PWWP2A: variants seen among roughly 807,000 people sequenced by gnomAD.
PWWP2A encodes the protein PWWP domain containing 2A, also known as PWWP domain-containing protein 2A.
Under a neutral mutation model 48.5 loss-of-function variants are expected in PWWP2A, and 18 were observed. The observed-to-expected ratio is 0.37, with a 90% CI of 0.26 to 0.55. The LOEUF (loss-of-function observed/expected upper bound fraction) is 0.55, where lower values mean the gene tolerates loss of function less well. Among genes scored for constraint, PWWP2A ranks in the 20% least tolerant of loss-of-function variants. The pLI, the probability that PWWP2A is intolerant of heterozygous loss-of-function variation, is 0.81. For missense variants in PWWP2A, 867 were observed against 976.4 expected, an observed-to-expected ratio of 0.89 and a Z score of 1.49; for synonymous variants, 396 against 387.7, an observed-to-expected ratio of 1.02 and a Z score of -0.25.
chr5:160,088,158 C>T (rs73311140), downstream of PWWP2A, among the ~76,000 whole-genome samples: 1,945 of 152,278 alleles, frequency 0.013, 48 homozygotes, highest in African/African-American at 0.045. Flanking sequence ...GCACACTCGC[C>T]ATTTTATTTT....
intron 2 of PWWP2A, among the ~76,000 whole-genome samples, chr5:160,082,368 C>T (rs1754301751): frequency 1.3e-5 from 2 of 150,978 alleles, no homozygotes; most frequent in African/African-American, 4.9e-5. Context: ...GGCGTGAACC[C>T]GGGAGGCGGA....
At chr5:160,064,261 G>A (rs1258687610) in intron 4 of PWWP2A, among the ~76,000 whole-genome samples, 4 of 152,120 alleles carry the variant, frequency 2.6e-5, no homozygotes, top group Non-Finnish European at 5.9e-5. Context: ...GAGCCACCAC[G>A]CCCATCCTAT....
downstream of PWWP2A, among the ~76,000 whole-genome samples, chr5:160,088,057 G>C (rs981162201): frequency 6.6e-6 from 1 of 151,970 alleles, no homozygotes; most frequent in African/African-American, 2.4e-5. Flanking sequence ...TTCTTTTGTT[G>C]AATGAAGGAA....
At position 160,093,004 on chromosome 5, in the gene PWWP2A, T is replaced by C; in HGVS notation, c.1646A>G (p.Gln549Arg). Residue 549 changes from glutamine to arginine, a missense_variant, in exon 2 of 2, where the codon CAG (glutamine) becomes CGG (arginine). This residue lies in a region of PWWP2A where 382 missense variants were observed against 407.2 expected (regional missense o/e 0.94). Coordinates refer to ENST00000307063, the MANE Select transcript of PWWP2A (RefSeq NM_001130864.2). The surrounding 1 kb of genome is among the most constrained non-coding windows in gnomAD (Gnocchi z 5.8). The part of the protein sequence containing the change: ...DTNEVHVPGD[Q>R]DEPQTLGKKG... ...TTTGCCCAATGTCTGTGGTTCATCC[T>C]GATCACCAGGCACATGCACTTCATT... is the stretch of plus-strand genomic sequence containing the variant. 5 of 1,582,166 alleles carry C rather than the reference T, an allele frequency of 3.2e-6. No individual in the cohort carries two copies. Among genetic ancestry groups the C allele is most frequent in the Non-Finnish European group, 4.3e-6 (5 of 1,163,344 alleles).
chr5:160,048,126 CTTTTTTTTTTTTTT>C, the PWWP2A span, among the ~76,000 whole-genome samples: 15 of 35,570 alleles, frequency 4.2e-4, no homozygotes, highest in South Asian at 1.6e-3. Context: ...CAAGACATTG[CTTTTTTTTTTTTTT>C]TTTTTTTTTT....
chr5:160,105,462 T>TGGGAGGCAGAGGTTGCA (rs1219121305), intron 1 of PWWP2A, among the ~76,000 whole-genome samples: 5 of 147,042 alleles, frequency 3.4e-5, no homozygotes, highest in African/African-American at 7.6e-5. Flanking sequence ...CGCCTGAACC[T>TGGGAGGCAGAGGTTGCA]GGGAGGCAGA....
At position 160,093,578 on chromosome 5, in the gene PWWP2A, C is replaced by T. The variant is rs755281907; in HGVS notation, c.1072G>A (p.Val358Ile). 2.5e-5 allele frequency: 41 copies of T among 1,613,442 alleles called. No homozygotes were observed. The highest frequency in any genetic ancestry group is 3.3e-5 in the Non-Finnish European group (39 of 1,179,802). The part of the protein sequence containing the change: ...YEDKKRRNES[V>I]TTVNKKLKTD... ...TTCAGTTTTTTGTTCACAGTAGTTA[C>T]ACTTTCATTTCTCCGTTTTTTATCT... The change falls in exon 2 of 2, where the codon GTA becomes ATA. Residue 358 changes from valine (V) to isoleucine (I), a missense_variant. By Grantham distance (29) the Val-to-Ile change is conservative (BLOSUM62 3). Around this residue, in one of 4 missense-constraint regions of PWWP2A, gnomAD observed 382 missense variants for 407.2 expected, o/e 0.94. Transcript: ENST00000307063. This position sits in a 1 kb window ranked among gnomAD's most constrained non-coding sequence, Gnocchi z 5.8.
intron 4 of PWWP2A, among the ~76,000 whole-genome samples, chr5:160,064,415 T>C (rs369612470): frequency 2.6e-5 from 4 of 152,166 alleles, no homozygotes; most frequent in South Asian, 2.1e-4. Flanking sequence ...TAAGGATTTG[T>C]TTAGGAAAGC....
the PWWP2A span, among the ~76,000 whole-genome samples, chr5:160,046,507 T>G: frequency 6.6e-6 from 1 of 152,182 alleles, no homozygotes; most frequent in Non-Finnish European, 1.5e-5. Context: ...CCCTCTGTAT[T>G]TTCTCCCTAA....
intron 1 of PWWP2A, among the ~76,000 whole-genome samples, chr5:160,117,556 CTGAGGCG>C (rs933732012): frequency 6.6e-6 from 1 of 151,788 alleles, no homozygotes; most frequent in Non-Finnish European, 1.5e-5. Context: ...ACTTGGGAGG[CTGAGGCG>C]GGAGAATCGC....
chr5:160,096,464 G>T (rs1019324217), intron 1 of PWWP2A, among the ~76,000 whole-genome samples: 1 of 152,148 alleles, frequency 6.6e-6, no homozygotes, highest in East Asian at 1.9e-4. Flanking sequence ...GGTGCTTCTT[G>T]TGTTTTAATG....
At chr5:160,117,983 T>C (rs1758308053) in intron 1 of PWWP2A, 1 of 588,620 alleles carries the variant, frequency 1.7e-6, no homozygotes, top group Non-Finnish European at 2.1e-6. Flanking sequence ...TCTCTTCCCC[T>C]GTTGAAAGCA....
rs568089410 is a variant in PWWP2A, at chr5:160,100,146, C to G, written c.585-6081G>C. The stretch of plus-strand genomic sequence containing the variant: ...TGAAACCCCATCTCTACTAAAAATA[C>G]AAAAATGAGCAAGGCATGGTGGCGC... On this transcript the variant is annotated intron_variant, in intron 1 of 1. Coordinates refer to ENST00000307063, the MANE Select transcript of PWWP2A (RefSeq NM_001130864.2). Among the ~76,000 whole-genome samples, 918 of 151,128 alleles carry G rather than the reference C, an allele frequency of 6.1e-3. 9 individuals are homozygous for G. The highest frequency in any genetic ancestry group is 7.1e-3 in the Non-Finnish European group (479 of 67,700).
At chr5:160,084,662 C>T (rs1243003697) in intron 2 of PWWP2A, among the ~76,000 whole-genome samples, 1 of 152,008 alleles carries the variant, frequency 6.6e-6, no homozygotes, top group Admixed American at 6.6e-5. Context: ...AACTCCTGGA[C>T]TCAAATGATG....
At chr5:160,116,336 A>C (rs1028219092) in intron 1 of PWWP2A, among the ~76,000 whole-genome samples, 3 of 152,076 alleles carry the variant, frequency 2.0e-5, no homozygotes, top group Non-Finnish European at 4.4e-5. Context: ...GGCCCCTGTA[A>C]TCCCAGCTAC....
intron 1 of PWWP2A, among the ~76,000 whole-genome samples, chr5:160,110,180 C>T (rs1757416140): frequency 6.6e-6 from 1 of 151,706 alleles, no homozygotes. Flanking sequence ...ACCACCACAG[C>T]CGGCTAATTT....
chr5:160,067,645 G>C (rs1344503195), intron 2 of PWWP2A, among the ~76,000 whole-genome samples: 3 of 152,186 alleles, frequency 2.0e-5, no homozygotes, highest in African/African-American at 7.2e-5. Flanking sequence ...CATGCTCCCA[G>C]TGGGTGGGCC....
intron 1 of PWWP2A, among the ~76,000 whole-genome samples, chr5:160,109,038 C>T (rs1757178153): frequency 6.6e-6 from 1 of 152,194 alleles, no homozygotes; most frequent in African/African-American, 2.4e-5. Flanking sequence ...GGCTGGAGTG[C>T]AGTGGCACAA....
At chr5:160,058,437 G>A (rs1376176084), downstream of PWWP2A, among the ~76,000 whole-genome samples, 1 of 145,190 alleles carries the variant, frequency 6.9e-6, no homozygotes, top group Admixed American at 6.9e-5. Context: ...TTGAGACGGA[G>A]TCTCGCTGTG....
Sources: gnomAD v4.1 joint callset for allele counts (sites outside exome capture counted in the v4.1 genomes callset) on GRCh38, gnomAD v4.1.1 for gene constraint, gnomAD v4.1.1 regional missense constraint, Gnocchi (gnomAD v3.1) non-coding constraint, MANE v1.5 for transcripts, NCBI Gene and HGNC (gene_info 2026-07-23, HGNC 2026-07-21) for gene names.